SLC6A12: variants seen among roughly 807,000 people sequenced by gnomAD.
SLC6A12 encodes the protein solute carrier family 6 member 12.
Under a neutral mutation model 73.3 loss-of-function variants are expected in SLC6A12, and 50 were observed. That is an observed-to-expected ratio of 0.68 (90% CI 0.54 to 0.86). The LOEUF (loss-of-function observed/expected upper bound fraction) is 0.86, where lower values mean the gene tolerates loss of function less well. SLC6A12 is among the 40% of genes least tolerant of loss of function. The pLI is 0.00. For missense variants in SLC6A12, 648 were observed against 772.8 expected (o/e 0.84, Z 1.92); for synonymous variants, 304 against 309.2 (o/e 0.98, Z 0.18).
rs1565469239 is a variant in SLC6A12 at position 197,198 on chromosome 12, C to CCATCT, written c.1075+178_1075+179insAGATG. Among the ~76,000 whole-genome samples the CCATCT allele has an allele frequency of 8.6e-4, 61 of 71,110 alleles. No homozygotes were observed. In the South Asian group the frequency reaches 0.011, roughly 13 times the overall value. 46.7% of individuals were successfully genotyped at this position (71,110 alleles called of 152,430 possible). A position where few individuals can be genotyped will look rare whatever the true frequency, so the allele number is the denominator to read the frequency against. ...CCATCCATCCATCCATCCATCCATT[C>CCATCT]ATCCATCCATGGAAGCCCTGCTTTG... is the stretch of plus-strand genomic sequence containing the variant. On this transcript the variant is annotated intron_variant, in intron 10 of 15. Transcript: ENST00000684302.
chr12:200,006 G>C (rs1257860514), intron 7 of SLC6A12, among the ~76,000 whole-genome samples: 3 of 151,930 alleles, frequency 2.0e-5, no homozygotes, highest in Non-Finnish European at 4.4e-5. Flanking sequence ...AAACCAGAAG[G>C]CAACACAGCA....
At chr12:196,740 G>A (rs752261038) in intron 11 of SLC6A12, 30 bp downstream of exon 11, 53 of 1,512,682 alleles carry the variant, frequency 3.5e-5, no homozygotes, top group South Asian at 1.0e-4. Context: ...GGGTCACCAC[G>A]GCAGGGCAGG....
chr12:205,447 T>G lies in SLC6A12; in HGVS notation c.215-749A>C, dbSNP rs913562292. 6.6e-5 allele frequency among the ~76,000 whole-genome samples: 10 copies of G among 152,334 alleles called. 1 individual carries two copies. The South Asian group carries it at 2.1e-3, about 32-fold the overall frequency. ...CACTCTTGTACGTACTTCATCAACA[T>G]CACAGTCCTTGCAAAACAACCTCCC... On this transcript the variant is annotated intron_variant, in intron 3 of 15. Transcript: ENST00000684302.
At chr12:193,584 C>T (rs544161209) in intron 13 of SLC6A12, among the ~76,000 whole-genome samples, 1 of 152,390 alleles carries the variant, frequency 6.6e-6, no homozygotes, top group African/African-American at 2.4e-5. Flanking sequence ...GGGCTGCCCC[C>T]ACACACTGCT....
At position 195,315 on chromosome 12, in the gene SLC6A12, T is replaced by G. The variant is rs1311612917; in HGVS notation, c.1339A>C (p.Ile447Leu). The G allele has an allele frequency of 6.2e-7, 1 of 1,609,670 alleles. No individual in the cohort carries two copies. The change falls in exon 13 of 16, where the codon ATC becomes CTC. Residue 447 changes from isoleucine (I) to leucine (L), a missense_variant. Ile to Leu is a conservative substitution (Grantham distance 5). Transcript: ENST00000684302. The stretch of plus-strand genomic sequence containing the variant: ...GCATAGTAGTCAAACAGCTGGAAGA[T>G]GTACATCCCGCCCTGTGGGGAGAGC... ...LFLVTEGGMYIFQLFDYYASS... is the reference protein window; with the variant it reads ...LFLVTEGGMYLFQLFDYYASS...
intron 3 of SLC6A12, among the ~76,000 whole-genome samples, chr12:207,929 T>G (rs1940729945): frequency 6.6e-6 from 1 of 151,884 alleles, no homozygotes; most frequent in Non-Finnish European, 1.5e-5. Context: ...CGGGTACTCA[T>G]CTCTCTCTCT....
At chr12:187,127 T>C (rs12304676), downstream of SLC6A12, among the ~76,000 whole-genome samples, 3,843 of 152,260 alleles carry the variant, frequency 0.025, 63 homozygotes, top group Middle Eastern at 0.099. Flanking sequence ...CAAAAATCAA[T>C]TTTTTCATGC....
At chr12:207,623 A>G (rs187508962) in intron 3 of SLC6A12, among the ~76,000 whole-genome samples, 2 of 152,342 alleles carry the variant, frequency 1.3e-5, no homozygotes, top group Admixed American at 1.3e-4. Context: ...GCTTGATATA[A>G]ACTTTATTAT....
chr12:192,462 C>T lies in SLC6A12; in HGVS notation c.1701+16G>A. The T allele has an allele frequency of 6.2e-7, 1 of 1,613,152 alleles. No individual in the cohort carries two copies. Among genetic ancestry groups the T allele is most frequent in the Non-Finnish European group, 8.5e-7 (1 of 1,179,322 alleles). ...GTGCCCTCCTTTAAGAGGTCACTCT[C>T]CCCTACACCACCTACCTTCCTGAAA... On this transcript the variant is annotated intron_variant, in intron 15 of 15. Coordinates refer to ENST00000684302, the MANE Select transcript of SLC6A12 (RefSeq NM_001122848.3).
At chr12:212,362 G>A (rs1322686978) in intron 1 of SLC6A12, among the ~76,000 whole-genome samples, 1 of 152,184 alleles carries the variant, frequency 6.6e-6, no homozygotes, top group African/African-American at 2.4e-5. Context: ...CTTGCTGGGG[G>A]AAGGAGTAAA....
intron 1 of SLC6A12, among the ~76,000 whole-genome samples, chr12:212,660 G>A (rs1037430646): frequency 4.6e-5 from 7 of 152,194 alleles, no homozygotes; most frequent in African/African-American, 7.2e-5. Context: ...GAGGGAACAC[G>A]CTTAAACTGC....
downstream of SLC6A12, among the ~76,000 whole-genome samples, chr12:186,419 T>C (rs7960464): frequency 0.073 from 11,041 of 152,222 alleles, 471 homozygotes; most frequent in East Asian, 0.12. Context: ...ACCCCAAAGC[T>C]TACGGCTTAA....
intron 4 of SLC6A12, chr12:203,227 T>C (rs537714188): frequency 5.7e-6 from 1 of 174,688 alleles, no homozygotes; most frequent in South Asian, 1.5e-4. Flanking sequence ...CGGCTAATTT[T>C]AACTTTTTTT....
At chr12:184,227 G>C in the SLC6A12 span, among the ~76,000 whole-genome samples, 2 of 152,070 alleles carry the variant, frequency 1.3e-5, no homozygotes, top group African/African-American at 2.4e-5. Context: ...AATAGATGCA[G>C]AAAAAGCAAT....
downstream of SLC6A12, among the ~76,000 whole-genome samples, chr12:185,123 C>T (rs1410328926): frequency 6.6e-6 from 1 of 152,144 alleles, no homozygotes; most frequent in African/African-American, 2.4e-5. Context: ...CTATGTAAAA[C>T]ACCCTAAAGA....
chr12:187,657 C>T (rs1939461273), downstream of SLC6A12, among the ~76,000 whole-genome samples: 1 of 144,658 alleles, frequency 6.9e-6, no homozygotes, highest in Non-Finnish European at 1.5e-5. Flanking sequence ...GCACCCACTG[C>T]ACACAACGCG....
chr12:185,707 C>T (rs1422538490), downstream of SLC6A12, among the ~76,000 whole-genome samples: 1 of 152,206 alleles, frequency 6.6e-6, no homozygotes, highest in Non-Finnish European at 1.5e-5. Context: ...TTCCCAGTCA[C>T]GTGCCAGCAG....
chr12:200,208 A>G (rs961079978), intron 7 of SLC6A12, among the ~76,000 whole-genome samples: 9 of 143,802 alleles, frequency 6.3e-5, no homozygotes, highest in Non-Finnish European at 1.3e-4. Flanking sequence ...TCCCGGGTTC[A>G]CGCCATTCTC....
chr12:196,281 C>G lies in SLC6A12; in HGVS notation c.1189-20G>C. On this transcript the variant is annotated intron_variant, in intron 11 of 15. Transcript: ENST00000684302. ...GACAAACTGTGGGCCAGGAGGGGAA[C>G]TGGATGAGAGGGTGTGGGGCGGGCT... 6.2e-7 allele frequency: 1 copy of G among 1,604,958 alleles called. No individual in the cohort carries two copies. Among genetic ancestry groups the G allele is most frequent in the Non-Finnish European group, 8.5e-7 (1 of 1,176,910 alleles).
Sources: allele counts gnomAD v4.1 joint callset (sites outside exome capture counted in the v4.1 genomes callset), GRCh38; gene constraint gnomAD v4.1.1; transcripts MANE v1.5; gene names NCBI Gene and HGNC (gene_info 2026-07-23, HGNC 2026-07-21).